The following EXOC6B variants were observed in gnomAD, a reference collection of about 807,000 sequenced individuals.
EXOC6B encodes the protein exocyst complex component 6B, also known as SEC15 homolog B.
Under a neutral mutation model 113.5 loss-of-function variants are expected in EXOC6B, and 54 were observed. The observed-to-expected ratio is 0.48, with a 90% CI of 0.38 to 0.60. The LOEUF (loss-of-function observed/expected upper bound fraction) is 0.60. Ranked by LOEUF, EXOC6B falls within the 20% of genes least tolerant of loss-of-function variation. The probability of loss-of-function intolerance (pLI) is 0.00; values close to 1 mark genes in which losing one functional copy is unlikely to be tolerated. For synonymous variants in EXOC6B, 357 were observed against 339.0 expected (o/e 1.05, Z -0.58); for missense variants, 797 against 977.5 (o/e 0.82, Z 2.46).
At chr2:72,631,047 C>G (rs1319816093) in intron 6 of EXOC6B, among the ~76,000 whole-genome samples, 1 of 152,054 alleles carries the variant, frequency 6.6e-6, no homozygotes, top group South Asian at 2.1e-4. Context: ...ATTACCACCA[C>G]TAATCAGAAC....
chr2:72,552,502 G>A (rs1199278935), intron 8 of EXOC6B, among the ~76,000 whole-genome samples: 1 of 152,068 alleles, frequency 6.6e-6, no homozygotes, highest in African/African-American at 2.4e-5. Context: ...AGGGGGAGAT[G>A]TCCAACTAAT....
intron 6 of EXOC6B, among the ~76,000 whole-genome samples, chr2:72,629,915 T>C (rs1346645566): frequency 6.6e-6 from 1 of 152,190 alleles, no homozygotes; most frequent in Non-Finnish European, 1.5e-5. Context: ...CACCACTTTT[T>C]ATAGGAAACC....
chr2:72,293,673 G>T (rs1573196531), intron 20 of EXOC6B, among the ~76,000 whole-genome samples: 1 of 152,108 alleles, frequency 6.6e-6, no homozygotes, highest in South Asian at 2.1e-4. Context: ...ACATGCTATG[G>T]TGTGACTTAT....
At chr2:72,775,547 A>G (rs945450843) in intron 1 of EXOC6B, among the ~76,000 whole-genome samples, 4 of 152,342 alleles carry the variant, frequency 2.6e-5, no homozygotes, top group African/African-American at 9.6e-5. Context: ...ATGTGGTATA[A>G]CAATATCATG....
At chr2:72,328,588 G>A (rs1044642506) in intron 20 of EXOC6B, among the ~76,000 whole-genome samples, 2 of 152,088 alleles carry the variant, frequency 1.3e-5, no homozygotes, top group African/African-American at 4.8e-5. Flanking sequence ...ATAAATGAAT[G>A]AACATTTCCT....
At chr2:72,761,798 C>T (rs1682755664) in intron 1 of EXOC6B, among the ~76,000 whole-genome samples, 2 of 151,914 alleles carry the variant, frequency 1.3e-5, no homozygotes, top group African/African-American at 4.8e-5. Context: ...ATATAAGAAA[C>T]CACAATGAAA....
At chr2:72,819,803 C>T (rs893298810) in intron 1 of EXOC6B, among the ~76,000 whole-genome samples, 6 of 152,020 alleles carry the variant, frequency 3.9e-5, no homozygotes, top group Non-Finnish European at 7.4e-5. Context: ...ATGCTACCTG[C>T]TAGGCAGTAG....
intron 17 of EXOC6B, among the ~76,000 whole-genome samples, chr2:72,471,306 A>G (rs1201051521): frequency 6.6e-6 from 1 of 151,396 alleles, no homozygotes; most frequent in Non-Finnish European, 1.5e-5. Flanking sequence ...CCACTTTTTG[A>G]TGGGGTTGTT....
At chr2:72,238,651 T>C (rs925929252) in intron 20 of EXOC6B, among the ~76,000 whole-genome samples, 14 of 152,228 alleles carry the variant, frequency 9.2e-5, no homozygotes, top group Non-Finnish European at 1.8e-4. Context: ...CCCTACTGAC[T>C]AATGATGCTA....
At chr2:72,487,535 A>T (rs1699496387) in intron 16 of EXOC6B, among the ~76,000 whole-genome samples, 1 of 151,678 alleles carries the variant, frequency 6.6e-6, no homozygotes, top group Non-Finnish European at 1.5e-5. Flanking sequence ...TAATTTTTAT[A>T]TTTTTAGTAG....
chr2:72,466,084 C>G (rs935839285), intron 17 of EXOC6B, among the ~76,000 whole-genome samples: 2 of 152,108 alleles, frequency 1.3e-5, no homozygotes, highest in Admixed American at 6.6e-5. Context: ...GTGGCTCATG[C>G]GTGTAATCCC....
chr2:72,726,838 G>GT (rs1680330180), intron 5 of EXOC6B, among the ~76,000 whole-genome samples: 1 of 152,078 alleles, frequency 6.6e-6, no homozygotes, highest in South Asian at 2.1e-4. Flanking sequence ...ATATTTGCAG[G>GT]TTCCAGATCT....
chr2:72,508,914 G>A (rs1211866123), intron 11 of EXOC6B, among the ~76,000 whole-genome samples: 3 of 152,138 alleles, frequency 2.0e-5, no homozygotes, highest in African/African-American at 7.2e-5. Context: ...AAACCTGAGT[G>A]TATACATAAT....
intron 20 of EXOC6B, among the ~76,000 whole-genome samples, chr2:72,214,958 G>T (rs1303533527): frequency 1.3e-5 from 2 of 152,180 alleles, no homozygotes; most frequent in Non-Finnish European, 2.9e-5. Flanking sequence ...TTTTAGGGAG[G>T]AAATGCAGCA....
At chr2:72,577,036 T>C (rs1046158422) in intron 6 of EXOC6B, among the ~76,000 whole-genome samples, 2 of 152,054 alleles carry the variant, frequency 1.3e-5, no homozygotes, top group African/African-American at 4.8e-5. Flanking sequence ...GAGACAATTA[T>C]AACAAGGCAG....
chr2:72,815,934 G>A (rs1188359544), intron 1 of EXOC6B, among the ~76,000 whole-genome samples: 2 of 152,102 alleles, frequency 1.3e-5, no homozygotes, highest in African/African-American at 4.8e-5. Flanking sequence ...CAAGGCGGTC[G>A]GATCATTTGA....
At chr2:72,691,802 C>T (rs1455545139) in intron 6 of EXOC6B, among the ~76,000 whole-genome samples, 5 of 151,834 alleles carry the variant, frequency 3.3e-5, no homozygotes, top group Admixed American at 6.6e-5. Flanking sequence ...CTGCCTCAGC[C>T]TCCTGAGTAG....
chr2:72,414,782 G>C (rs999456639), intron 18 of EXOC6B, among the ~76,000 whole-genome samples: 1 of 152,206 alleles, frequency 6.6e-6, no homozygotes, highest in African/African-American at 2.4e-5. Flanking sequence ...CTCACTGAAA[G>C]GGCTTGGCTC....
chr2:72,592,401 T>C (rs1573452170), intron 6 of EXOC6B, among the ~76,000 whole-genome samples: 1 of 152,286 alleles, frequency 6.6e-6, no homozygotes, highest in Non-Finnish European at 1.5e-5. Flanking sequence ...GTTGGAGCCC[T>C]GAAAACTTGA....
Sources: allele counts gnomAD v4.1 joint callset (sites outside exome capture counted in the v4.1 genomes callset), GRCh38; gene constraint gnomAD v4.1.1; transcripts MANE v1.5; gene names NCBI Gene and HGNC (gene_info 2026-07-23, HGNC 2026-07-21).